The following ASTN2 variants were observed in gnomAD, a reference collection of about 807,000 sequenced individuals.
ASTN2 encodes the protein astrotactin 2, also known as astrotactin-2.
Under a neutral mutation model 139.8 loss-of-function variants are expected in ASTN2, and 54 were observed. The observed-to-expected ratio is 0.39, with a 90% CI of 0.31 to 0.48. ASTN2 has a LOEUF of 0.48. Ranked by LOEUF, ASTN2 falls within the 20% of genes least tolerant of loss-of-function variation. ASTN2 has a pLI of 0.95. For synonymous variants in ASTN2, 756 were observed against 719.5 expected (o/e 1.05, Z -0.81); for missense variants, 1,565 against 1,725.1 (o/e 0.91, Z 1.64).
At chr9:117,261,538 T>G (rs962310354) in intron 2 of ASTN2, among the ~76,000 whole-genome samples, 3 of 152,154 alleles carry the variant, frequency 2.0e-5, no homozygotes, top group African/African-American at 7.2e-5. Context: ...CCAAGCCTCC[T>G]GCTTGAACAC....
chr9:116,967,541 T>C (rs1019965098), intron 10 of ASTN2, among the ~76,000 whole-genome samples: 17 of 152,156 alleles, frequency 1.1e-4, no homozygotes, highest in Admixed American at 9.8e-4. Flanking sequence ...TCAACATCCC[T>C]ACTGAAAAGG....
chr9:116,623,058 A>G (rs1055165310), intron 17 of ASTN2, among the ~76,000 whole-genome samples: 1 of 152,164 alleles, frequency 6.6e-6, no homozygotes, highest in South Asian at 2.1e-4. Context: ...CTTAATTAAC[A>G]TAACGGTGAA....
intron 10 of ASTN2, among the ~76,000 whole-genome samples, chr9:116,873,780 G>A (rs1833225074): frequency 6.6e-6 from 1 of 152,120 alleles, no homozygotes; most frequent in Non-Finnish European, 1.5e-5. Flanking sequence ...GATAGTGAGT[G>A]AATTCTCACG....
chr9:117,370,853 G>C (rs536653702), intron 1 of ASTN2, among the ~76,000 whole-genome samples: 1 of 152,180 alleles, frequency 6.6e-6, no homozygotes, highest in East Asian at 1.9e-4. Context: ...TGGGATACAG[G>C]CATGAGCCAC....
chr9:116,895,451 G>C (rs1367998965), intron 10 of ASTN2, among the ~76,000 whole-genome samples: 1 of 152,156 alleles, frequency 6.6e-6, no homozygotes. Flanking sequence ...TTTGCTAGGA[G>C]ACCAAAGGGA....
intron 17 of ASTN2, among the ~76,000 whole-genome samples, chr9:116,626,818 G>A (rs1459131830): frequency 6.6e-6 from 1 of 152,148 alleles, no homozygotes; most frequent in Non-Finnish European, 1.5e-5. Context: ...GATGAACACA[G>A]GAAGGATTGA....
At position 116,733,527 on chromosome 9, in the gene ASTN2, T is replaced by C; in HGVS notation, c.2397-4A>G. ...GTCCTTGATGAAGTTGTTCTCCCTG[T>C]GGAGAGGAGCAGAGAGACTGCCAAA... On this transcript the variant is annotated splice_polypyrimidine_tract_variant and splice_region_variant and intron_variant, in intron 13 of 22. Transcript: ENST00000313400. The C allele has an allele frequency of 6.2e-7, 1 of 1,614,072 alleles. No homozygotes were observed. Among genetic ancestry groups the C allele is most frequent in the South Asian group, 1.1e-5 (1 of 91,070 alleles).
chr9:117,144,332 A>ATCCGAAATGT (rs1374371576), intron 3 of ASTN2, among the ~76,000 whole-genome samples: 2 of 152,176 alleles, frequency 1.3e-5, no homozygotes, highest in Admixed American at 1.3e-4. Context: ...AAAATCTGAA[A>ATCCGAAATGT]TCCGAAATGT....
At chr9:116,725,499 G>A (rs560614121) in intron 16 of ASTN2, among the ~76,000 whole-genome samples, 1 of 152,174 alleles carries the variant, frequency 6.6e-6, no homozygotes, top group South Asian at 2.1e-4. Flanking sequence ...CAAAGTACCT[G>A]CAAGAGAAGG....
intron 10 of ASTN2, among the ~76,000 whole-genome samples, chr9:116,898,864 G>T (rs544401931): frequency 6.6e-6 from 1 of 152,012 alleles, no homozygotes; most frequent in South Asian, 2.1e-4. Context: ...GTAGAGATGG[G>T]TCTCACTATA....
intron 1 of ASTN2, among the ~76,000 whole-genome samples, chr9:117,331,314 A>T (rs1828700159): frequency 6.6e-6 from 1 of 152,130 alleles, no homozygotes; most frequent in Admixed American, 6.6e-5. Context: ...CTTTGCATGA[A>T]GGTCACTAAC....
chr9:117,157,774 A>G (rs1034082727), intron 3 of ASTN2, among the ~76,000 whole-genome samples: 6 of 152,012 alleles, frequency 3.9e-5, no homozygotes, highest in African/African-American at 1.4e-4. Context: ...GATGAGAAGG[A>G]GCGAATGACC....
At chr9:116,467,299 GCT>G (rs1848678442) in intron 20 of ASTN2, among the ~76,000 whole-genome samples, 1 of 151,824 alleles carries the variant, frequency 6.6e-6, no homozygotes, top group African/African-American at 2.4e-5. Flanking sequence ...ACAGAGTCTC[GCT>G]CTGTCACCAG....
chr9:116,521,267 T>C (rs537779061), intron 19 of ASTN2, among the ~76,000 whole-genome samples: 9 of 152,052 alleles, frequency 5.9e-5, no homozygotes, highest in African/African-American at 2.2e-4. Flanking sequence ...GCCATGGTCA[T>C]CAAAACAGCA....
intron 4 of ASTN2, among the ~76,000 whole-genome samples, chr9:117,108,115 G>A (rs963410075): frequency 2.0e-5 from 3 of 152,174 alleles, no homozygotes; most frequent in African/African-American, 7.2e-5. Context: ...ATATCCATGT[G>A]TTAAATATCA....
chr9:117,054,044 C>T lies in ASTN2; in HGVS notation c.1277-14079G>A, dbSNP rs75524188. On this transcript the variant is annotated intron_variant, in intron 5 of 22. Transcript: ENST00000313400. Reference sequence around the variant, plus strand: ...AGGATAAAAAAAGAAAAAAAAAAAACAAAAGAGGAGAAAATGTTCTGTGAA... The same window carrying T: ...AGGATAAAAAAAGAAAAAAAAAAAATAAAAGAGGAGAAAATGTTCTGTGAA... Among the ~76,000 whole-genome samples, 5 of 145,188 alleles carry T rather than the reference C, an allele frequency of 3.4e-5. No homozygotes were observed. The South Asian group carries it at 1.1e-3, about 31-fold the overall frequency.
At chr9:117,161,195 C>G (rs1051018331) in intron 3 of ASTN2, among the ~76,000 whole-genome samples, 8 of 151,980 alleles carry the variant, frequency 5.3e-5, no homozygotes, top group Non-Finnish European at 1.2e-4. Context: ...GTGGTGGGGA[C>G]AGTGGTAGTG....
intron 1 of ASTN2, among the ~76,000 whole-genome samples, chr9:117,382,249 G>T (rs1830293301): frequency 6.6e-6 from 1 of 152,154 alleles, no homozygotes; most frequent in Non-Finnish European, 1.5e-5. Context: ...GCATGTGTGT[G>T]CATGGAGGGA....
At chr9:116,974,701 G>A (rs1228169073) in intron 10 of ASTN2, among the ~76,000 whole-genome samples, 2 of 151,972 alleles carry the variant, frequency 1.3e-5, no homozygotes, top group Admixed American at 6.6e-5. Flanking sequence ...TACAGACCAA[G>A]TTTCACCATG....
Sources: allele counts gnomAD v4.1 joint callset (sites outside exome capture counted in the v4.1 genomes callset), GRCh38; gene constraint gnomAD v4.1.1; transcripts MANE v1.5; gene names NCBI Gene and HGNC (gene_info 2026-07-23, HGNC 2026-07-21).